Variants in SLC24A2 observed in about 807,000 individuals in gnomAD.
The protein encoded by SLC24A2 is solute carrier family 24 member 2.
A neutral mutation model predicts 62.0 loss-of-function variants in SLC24A2; 36 were observed. The observed-to-expected ratio is 0.58, with a 90% CI of 0.44 to 0.77. SLC24A2 has a LOEUF of 0.77. Among genes scored for constraint, SLC24A2 ranks in the 30% least tolerant of loss-of-function variants. The probability of loss-of-function intolerance (pLI) is 0.00; values close to 1 mark genes in which losing one functional copy is unlikely to be tolerated. For missense variants in SLC24A2, 846 were observed against 817.9 expected, an observed-to-expected ratio of 1.03 and a Z score of -0.42; for synonymous variants, 358 against 294.0, an observed-to-expected ratio of 1.22 and a Z score of -2.23.
chr9:20,019,253 G>GAGAAAGAAAGAGAGAAAGAA, the SLC24A2 span, among the ~76,000 whole-genome samples: 2,732 of 109,680 alleles, frequency 0.025, 82 homozygotes, highest in Middle Eastern at 0.038. Flanking sequence ...AAGAAGGAAA[G>GAGAAAGAAAGAGAGAAAGAA]AGAAAGAAAG....
intron 7 of SLC24A2, among the ~76,000 whole-genome samples, chr9:19,559,057 TATAAAATTAACTAGG>T (rs1193769982): frequency 6.6e-6 from 1 of 152,200 alleles, no homozygotes; most frequent in Non-Finnish European, 1.5e-5. Flanking sequence ...ACATGGTTGT[TATAAAATTAACTAGG>T]ATAATCCAGG....
chr9:19,661,628 T>G (rs1049345011), intron 2 of SLC24A2, among the ~76,000 whole-genome samples: 8 of 152,188 alleles, frequency 5.3e-5, no homozygotes, highest in African/African-American at 1.7e-4. Context: ...AAGAAGTCAT[T>G]GGGTTAAGGA....
intron 2 of SLC24A2, among the ~76,000 whole-genome samples, chr9:19,725,864 C>T (rs970572130): frequency 6.6e-6 from 1 of 152,174 alleles, no homozygotes. Context: ...GGATACACAG[C>T]TGCTGCCCAT....
chr9:19,732,650 A>C (rs1821375291), intron 2 of SLC24A2, among the ~76,000 whole-genome samples: 2 of 152,074 alleles, frequency 1.3e-5, no homozygotes, highest in African/African-American at 4.8e-5. Context: ...GCAATCTGAG[A>C]GCTACCTCTC....
chr9:20,058,238 A>G, the SLC24A2 span, among the ~76,000 whole-genome samples: 3 of 152,202 alleles, frequency 2.0e-5, no homozygotes, highest in Admixed American at 2.0e-4. Context: ...TAGAAGTCAG[A>G]TCAAGGTCTT....
the SLC24A2 span, among the ~76,000 whole-genome samples, chr9:20,304,199 G>A: frequency 6.6e-6 from 1 of 152,126 alleles, no homozygotes; most frequent in South Asian, 2.1e-4. Flanking sequence ...CTCCACTTCA[G>A]TGGCAGGCAG....
At chr9:20,125,354 A>G in the SLC24A2 span, among the ~76,000 whole-genome samples, 2 of 152,218 alleles carry the variant, frequency 1.3e-5, no homozygotes, top group Non-Finnish European at 2.9e-5. Flanking sequence ...AAAAGTAGGA[A>G]ATTGCAAAAC....
the SLC24A2 span, among the ~76,000 whole-genome samples, chr9:19,863,779 G>T: frequency 6.6e-6 from 1 of 151,504 alleles, no homozygotes; most frequent in Non-Finnish European, 1.5e-5. Context: ...CAACCTGATG[G>T]TGTATCTTAA....
the SLC24A2 span, among the ~76,000 whole-genome samples, chr9:20,081,163 A>G: frequency 6.6e-6 from 1 of 152,152 alleles, no homozygotes; most frequent in Admixed American, 6.5e-5. Context: ...ATGCTGCTAT[A>G]AAGACACATG....
chr9:19,609,387 T>G (rs1306581526), intron 4 of SLC24A2, among the ~76,000 whole-genome samples: 1 of 152,222 alleles, frequency 6.6e-6, no homozygotes, highest in Non-Finnish European at 1.5e-5. Flanking sequence ...CCCGGTGGCC[T>G]CTGATCCAGC....
At chr9:19,983,829 C>G in the SLC24A2 span, among the ~76,000 whole-genome samples, 1 of 151,966 alleles carries the variant, frequency 6.6e-6, no homozygotes, top group Non-Finnish European at 1.5e-5. Flanking sequence ...GACTTGTACA[C>G]TGAAAACAAC....
the SLC24A2 span, among the ~76,000 whole-genome samples, chr9:20,283,523 C>T: frequency 6.6e-6 from 1 of 152,044 alleles, no homozygotes; most frequent in Non-Finnish European, 1.5e-5. Context: ...CGAATTACCC[C>T]GAGTTATGGC....
intron 2 of SLC24A2, among the ~76,000 whole-genome samples, chr9:19,646,446 G>A (rs1246191027): frequency 1.3e-5 from 2 of 152,178 alleles, no homozygotes; most frequent in African/African-American, 4.8e-5. Flanking sequence ...CCTTCAGAGA[G>A]AAATTTCTCT....
At chr9:19,940,879 G>A in the SLC24A2 span, among the ~76,000 whole-genome samples, 1 of 152,178 alleles carries the variant, frequency 6.6e-6, no homozygotes, top group Admixed American at 6.5e-5. Context: ...AAATGGGAAA[G>A]GCTCTCTCAT....
chr9:19,619,535 G>C (rs1228672975), intron 4 of SLC24A2, 49 bp downstream of exon 4: 1 of 1,386,266 alleles, frequency 7.2e-7, no homozygotes, highest in East Asian at 2.3e-5. Flanking sequence ...AAGCCTTTTG[G>C]CATCCTTTTC....
intron 2 of SLC24A2, among the ~76,000 whole-genome samples, chr9:19,728,315 A>C (rs1319172195): frequency 6.6e-6 from 1 of 152,078 alleles, no homozygotes; most frequent in Non-Finnish European, 1.5e-5. Flanking sequence ...AAAAAAAAAA[A>C]AACTTGACTC....
chr9:20,074,812 A>T, the SLC24A2 span, among the ~76,000 whole-genome samples: 1 of 152,184 alleles, frequency 6.6e-6, no homozygotes, highest in Non-Finnish European at 1.5e-5. Context: ...CTAACATTCT[A>T]AATTATAAAT....
chr9:20,002,294 A>G, the SLC24A2 span, among the ~76,000 whole-genome samples: 1 of 152,096 alleles, frequency 6.6e-6, no homozygotes, highest in Non-Finnish European at 1.5e-5. Flanking sequence ...TGAGCAATGC[A>G]CAAAAGGCTG....
the SLC24A2 span, among the ~76,000 whole-genome samples, chr9:19,816,145 G>C: frequency 6.6e-6 from 1 of 151,810 alleles, no homozygotes; most frequent in Non-Finnish European, 1.5e-5. Flanking sequence ...TTTTCCTTCT[G>C]TCTTTCTTTC....
Sources: allele counts gnomAD v4.1 joint callset (sites outside exome capture counted in the v4.1 genomes callset), GRCh38; gene constraint gnomAD v4.1.1; transcripts MANE v1.5; gene names NCBI Gene and HGNC (gene_info 2026-07-23, HGNC 2026-07-21).